The following TRPM5 variants were observed in gnomAD, a reference collection of about 807,000 sequenced individuals.
The protein encoded by TRPM5 is MLSN1 and TRP-related.
TRPM5 carries 121 observed loss-of-function variants against 124.9 expected under a neutral mutation model. That is an observed-to-expected ratio of 0.97 (90% CI 0.84 to 1.13). TRPM5 has a LOEUF of 1.13. Ranked by LOEUF, TRPM5 falls within the 50% of genes most tolerant of loss-of-function variation. The probability of loss-of-function intolerance (pLI) is 0.00; values close to 1 mark genes in which losing one functional copy is unlikely to be tolerated. For missense variants in TRPM5, 1,643 were observed against 1,589.1 expected, an observed-to-expected ratio of 1.03 and a Z score of -0.58; for synonymous variants, 781 against 700.5, an observed-to-expected ratio of 1.11 and a Z score of -1.81.
exon 6 of TRPM5, chr11:2,418,303 C>T: frequency 6.4e-7 from 1 of 1,572,052 alleles, no homozygotes; most frequent in Non-Finnish European, 8.6e-7. Flanking sequence ...GGCGATGCCC[C>T]CCGAGCCTAC....
In TRPM5 at chr11:2,418,514, G is replaced by C; in HGVS notation, c.714+13C>G. On this transcript the variant is annotated intron_variant, in intron 5 of 23. Transcript: ENST00000155858. ...GGCTTCGGCCAGCCAGGGGGCCTCA[G>C]CCAGGCCCCTACCTCCAAGGTGTTG... 6.2e-7 allele frequency: 1 copy of C among 1,607,972 alleles called. No individual in the cohort carries two copies. Among genetic ancestry groups the C allele is most frequent in the Non-Finnish European group, 8.5e-7 (1 of 1,177,836 alleles).
intron 6 of TRPM5, 100 bp from the exon 12 acceptor site, chr11:2,417,929 G>T: frequency 4.1e-6 from 5 of 1,226,458 alleles, no homozygotes; most frequent in Non-Finnish European, 5.8e-6. Flanking sequence ...AGCGTCCCCA[G>T]GTGAGCCTTG....
chr11:2,414,324 C>G (rs1426923314), intron 11 of TRPM5, 118 bp from the exon 17 acceptor site: 2 of 1,403,600 alleles, frequency 1.4e-6, no homozygotes, highest in Non-Finnish European at 1.9e-6. Flanking sequence ...GCGTTCAACA[C>G]GCAGGGCCCA....
At chr11:2,419,480 G>C (rs1845735167) in intron 4 of TRPM5, among the ~76,000 whole-genome samples, 1 of 151,328 alleles carries the variant, frequency 6.6e-6, no homozygotes, top group Non-Finnish European at 1.5e-5. Flanking sequence ...GCCGGGCATG[G>C]TGGCACATGC....
At chr11:2,409,638 G>A (rs1486356209) in intron 18 of TRPM5, among the ~76,000 whole-genome samples, 1 of 152,214 alleles carries the variant, frequency 6.6e-6, no homozygotes, top group Non-Finnish European at 1.5e-5. Flanking sequence ...ATAACTCCCT[G>A]CCTAGCAGCA....
chr11:2,429,079 G>GTGT, the TRPM5 span, among the ~76,000 whole-genome samples: 1 of 150,970 alleles, frequency 6.6e-6, no homozygotes, highest in Admixed American at 6.6e-5. This position sits in a 1 kb window ranked among gnomAD's most constrained non-coding sequence, Gnocchi z 8.4. Context: ...TGTGGTGGTG[G>GTGT]TGATGATAGT....
At chr11:2,425,403 C>T (rs761319168), upstream of TRPM5, among the ~76,000 whole-genome samples, 7 of 152,172 alleles carry the variant, frequency 4.6e-5, no homozygotes, top group African/African-American at 1.2e-4. Flanking sequence ...TGGTCTGCCT[C>T]GCCTGTCTGT....
chr11:2,412,261 G>A lies in TRPM5; in HGVS notation c.2356-8C>T. The A allele has an allele frequency of 2.5e-6, 4 of 1,608,216 alleles. No individual in the cohort carries two copies. Among genetic ancestry groups the A allele is most frequent in the Non-Finnish European group, 3.4e-6 (4 of 1,175,688 alleles). Reference sequence around the variant, plus strand: ...CTCGTCTGTGAAGAAGCCCTGGGAGGGAGGTGGGCAGTCCACTGACAGCTG... The same window carrying A: ...CTCGTCTGTGAAGAAGCCCTGGGAGAGAGGTGGGCAGTCCACTGACAGCTG... On this transcript the variant is annotated splice_polypyrimidine_tract_variant and splice_region_variant and intron_variant, in intron 15 of 23. Coordinates refer to ENST00000155858, the Ensembl canonical transcript of TRPM5.
chr11:2,430,808 G>A, the TRPM5 span, among the ~76,000 whole-genome samples: 9 of 149,532 alleles, frequency 6.0e-5, no homozygotes, highest in East Asian at 3.9e-4. Flanking sequence ...TTTTGGTGGC[G>A]GTGATGGTGA....
At chr11:2,417,622 G>A in intron 7 of TRPM5, 105 bp downstream of exon 12, 5 of 832,182 alleles carry the variant, frequency 6.0e-6, no homozygotes, top group Non-Finnish European at 7.7e-6. Flanking sequence ...GGAAGGGGCA[G>A]GCGGCCGAGC....
intron 3 of TRPM5, 60 bp from the exon 9 acceptor site, chr11:2,420,465 T>C (rs1360296209): frequency 1.3e-6 from 2 of 1,507,936 alleles, no homozygotes; most frequent in African/African-American, 1.4e-5. Context: ...CTGGTCCCGC[T>C]GCGGGATCCT....
chr11:2,410,709 A>C (rs1850428552), intron 18 of TRPM5: 1 of 454,494 alleles, frequency 2.2e-6, no homozygotes, highest in African/African-American at 2.0e-5. Flanking sequence ...CAGAGCCTCC[A>C]CCAGCCCCAG....
At chr11:2,434,398 T>A in the TRPM5 span, among the ~76,000 whole-genome samples, 1 of 150,006 alleles carries the variant, frequency 6.7e-6, no homozygotes, top group Non-Finnish European at 1.5e-5. Flanking sequence ...TTTGTGAGAG[T>A]GTGTGTGTGT....
intron 7 of TRPM5, among the ~76,000 whole-genome samples, chr11:2,416,758 G>A (rs1056369870): frequency 6.6e-6 from 1 of 152,196 alleles, no homozygotes; most frequent in Non-Finnish European, 1.5e-5. Context: ...TCCCTGCTGG[G>A]GCTGTGTCTG....
At chr11:2,429,813 C>T in the TRPM5 span, among the ~76,000 whole-genome samples, 1 of 151,870 alleles carries the variant, frequency 6.6e-6, no homozygotes, top group African/African-American at 2.4e-5. The surrounding 1 kb of genome is among the most constrained non-coding windows in gnomAD (Gnocchi z 8.4). Context: ...CACCATAATC[C>T]CCATGTGTCA....
At chr11:2,411,608 C>T (rs1167728089) in intron 17 of TRPM5, 27 bp downstream of exon 22, 1 of 1,611,874 alleles carries the variant, frequency 6.2e-7, no homozygotes, top group African/African-American at 1.3e-5. Context: ...CCCTCCAGGG[C>T]CAGGGCCAGG....
chr11:2,424,024 C>T (rs547396341), upstream of TRPM5, among the ~76,000 whole-genome samples: 50 of 152,352 alleles, frequency 3.3e-4, 2 homozygotes, highest in South Asian at 9.5e-3. Flanking sequence ...CCTGGAACCA[C>T]GCGTCGGGTC....
At chr11:2,443,832 C>A in the TRPM5 span, among the ~76,000 whole-genome samples, 6 of 149,360 alleles carry the variant, frequency 4.0e-5, no homozygotes, top group South Asian at 2.2e-4. The surrounding 1 kb of genome is among the most constrained non-coding windows in gnomAD (Gnocchi z 5.0). Flanking sequence ...CACCCCCCCC[C>A]CAAGCCTGAG....
chr11:2,422,381 AT>A, intron 1 of TRPM5, 60 bp from the exon 7 acceptor site: 1 of 991,450 alleles, frequency 1.0e-6, no homozygotes, highest in Non-Finnish European at 1.3e-6. Context: ...GCTGCTGGGC[AT>A]TGGGGGGGGC....
Sources: gnomAD v4.1 joint callset for allele counts (sites outside exome capture counted in the v4.1 genomes callset) on GRCh38, gnomAD v4.1.1 for gene constraint, Gnocchi (gnomAD v3.1) non-coding constraint, MANE v1.5 for transcripts, NCBI Gene and HGNC (gene_info 2026-07-23, HGNC 2026-07-21) for gene names.